CPED1: variants seen among roughly 807,000 people sequenced by gnomAD.
CPED1 encodes cadherin like and PC-esterase domain containing 1.
Under a neutral mutation model 128.2 loss-of-function variants are expected in CPED1, and 114 were observed. That is an observed-to-expected ratio of 0.89 (90% CI 0.76 to 1.04). The LOEUF is 1.04. Ranked by LOEUF, CPED1 falls within the 50% of genes least tolerant of loss-of-function variation. The pLI is 0.00. For missense variants in CPED1, 1,211 were observed against 1,207.1 expected, an observed-to-expected ratio of 1.00 and a Z score of -0.05; for synonymous variants, 462 against 426.7, an observed-to-expected ratio of 1.08 and a Z score of -1.02.
intron 16 of CPED1, among the ~76,000 whole-genome samples, chr7:121,168,146 G>A (rs10244109): frequency 0.1 from 15,856 of 152,144 alleles, 1,391 homozygotes; most frequent in African/African-American, 0.24. Context: ...CATTCTGAAC[G>A]CTATCATAGC....
chr7:121,236,618 A>G (rs1490693110), intron 16 of CPED1, 96 bp from the exon 17 acceptor site: 10 of 628,574 alleles, frequency 1.6e-5, no homozygotes, highest in Non-Finnish European at 2.7e-5. Flanking sequence ...TTTTATCCAT[A>G]AAGGTTATTT....
At chr7:121,228,081 A>G (rs964743749) in intron 16 of CPED1, among the ~76,000 whole-genome samples, 28 of 152,250 alleles carry the variant, frequency 1.8e-4, no homozygotes, top group African/African-American at 6.7e-4. Context: ...TCTCCTGGAC[A>G]TTGGTTTAGG....
intron 16 of CPED1, among the ~76,000 whole-genome samples, chr7:121,170,276 CT>C (rs1033449113): frequency 6.6e-6 from 1 of 152,084 alleles, no homozygotes; most frequent in Non-Finnish European, 1.5e-5. Context: ...AATTTGTGAC[CT>C]TTTTCCTGTG....
At chr7:121,085,931 A>G (rs1042186411) in intron 5 of CPED1, among the ~76,000 whole-genome samples, 13 of 152,222 alleles carry the variant, frequency 8.5e-5, no homozygotes, top group African/African-American at 2.9e-4. Context: ...GTTTGGATAC[A>G]GAGCTGAATT....
At chr7:121,161,146 T>C (rs999330957) in intron 16 of CPED1, among the ~76,000 whole-genome samples, 4 of 152,182 alleles carry the variant, frequency 2.6e-5, no homozygotes, top group African/African-American at 9.6e-5. Flanking sequence ...TAGGTCAGGT[T>C]TGGTAGCTTA....
rs1408616334 is a variant in CPED1 at position 121,129,305 on chromosome 7, ATATATACG to A, written c.1408-813_1408-806del. On this transcript the variant is annotated intron_variant, in intron 11 of 22. Coordinates refer to ENST00000310396, the MANE Select transcript of CPED1 (RefSeq NM_024913.5). Reference sequence around the variant, plus strand: ...TATATATGTATATATATATATATATATATATACGTATATATATATATATATATATACGT... The same window carrying A: ...TATATATGTATATATATATATATATATATATATATATATATATATATACGT... Among the ~76,000 whole-genome samples, 17 of 5,628 alleles carry A rather than the reference ATATATACG, an allele frequency of 3.0e-3. No homozygotes were observed. In the East Asian group the frequency reaches 0.29, roughly 95 times the overall value. 3.7% of individuals were successfully genotyped at this position (5,628 alleles called of 152,430 possible).
intron 5 of CPED1, among the ~76,000 whole-genome samples, chr7:121,068,163 G>A (rs1793893664): frequency 6.6e-6 from 1 of 152,242 alleles, no homozygotes; most frequent in Admixed American, 6.5e-5. Context: ...CATTGCTTTT[G>A]GTGTTTTAGA....
intron 12 of CPED1, among the ~76,000 whole-genome samples, chr7:121,133,572 G>A (rs999737718): frequency 2.0e-5 from 3 of 152,038 alleles, no homozygotes; most frequent in Non-Finnish European, 4.4e-5. Context: ...AGATTCCTCA[G>A]ATTTGGACTG....
At chr7:121,255,036 G>A (rs1220923637) in intron 18 of CPED1, among the ~76,000 whole-genome samples, 1 of 151,914 alleles carries the variant, frequency 6.6e-6, no homozygotes, top group Non-Finnish European at 1.5e-5. Flanking sequence ...CAAAGAGGAG[G>A]GATTCCTCCT....
At chr7:121,166,698 A>G (rs898847375) in intron 16 of CPED1, among the ~76,000 whole-genome samples, 1 of 152,130 alleles carries the variant, frequency 6.6e-6, no homozygotes. Flanking sequence ...TTTTGGAGTA[A>G]TGCTGTTTTT....
chr7:121,092,347 C>CT (rs1794593775), intron 5 of CPED1, among the ~76,000 whole-genome samples: 1 of 152,160 alleles, frequency 6.6e-6, no homozygotes, highest in Admixed American at 6.5e-5. Flanking sequence ...CTTGTTTACT[C>CT]TTTTCATTTC....
intron 4 of CPED1, among the ~76,000 whole-genome samples, chr7:121,060,347 G>A (rs1207152285): frequency 6.6e-6 from 1 of 152,260 alleles, no homozygotes; most frequent in East Asian, 1.9e-4. Context: ...CTGGCAGGCA[G>A]CTCCACCTGC....
chr7:121,171,050 A>G (rs1222836081), intron 16 of CPED1, among the ~76,000 whole-genome samples: 3 of 135,242 alleles, frequency 2.2e-5, no homozygotes, highest in Non-Finnish European at 4.8e-5. Flanking sequence ...ACTCTGTCTC[A>G]AATAAATACA....
At chr7:121,242,838 T>C (rs373018617) in intron 17 of CPED1, among the ~76,000 whole-genome samples, 13 of 152,252 alleles carry the variant, frequency 8.5e-5, no homozygotes, top group African/African-American at 2.9e-4. Flanking sequence ...TCTCTTCCAG[T>C]TTCTCTCTCT....
chr7:121,262,131 G>C (rs2222543), intron 18 of CPED1, among the ~76,000 whole-genome samples: 57,781 of 151,754 alleles, frequency 0.38, 11,435 homozygotes, highest in Middle Eastern at 0.48. Flanking sequence ...AGCCTGGCAT[G>C]TCTCCTGCTC....
chr7:121,276,212 TA>T (rs1169126286), intron 22 of CPED1, among the ~76,000 whole-genome samples: 2 of 152,104 alleles, frequency 1.3e-5, no homozygotes, highest in Non-Finnish European at 2.9e-5. Flanking sequence ...ATATTTCCTT[TA>T]AACTTTCCTC....
chr7:121,040,866 G>T (rs1038618035), intron 3 of CPED1, among the ~76,000 whole-genome samples: 4 of 151,988 alleles, frequency 2.6e-5, no homozygotes, highest in Non-Finnish European at 5.9e-5. Flanking sequence ...CTTGGCTTTT[G>T]TAGCTTTGTA....
intron 5 of CPED1, among the ~76,000 whole-genome samples, chr7:121,081,632 C>T (rs982341222): frequency 6.6e-6 from 1 of 152,114 alleles, no homozygotes; most frequent in African/African-American, 2.4e-5. Flanking sequence ...AAATGTGTTG[C>T]ATTTGAGAAG....
At chr7:120,989,336 A>G in intron 1 of CPED1, 55 bp from the exon 2 acceptor site, 1 of 384,248 alleles carries the variant, frequency 2.6e-6, no homozygotes, top group South Asian at 2.5e-5. Flanking sequence ...AGCCTGGGGT[A>G]CACTCAGGTT....
Sources: allele counts gnomAD v4.1 joint callset (sites outside exome capture counted in the v4.1 genomes callset), GRCh38; gene constraint gnomAD v4.1.1; transcripts MANE v1.5; gene names NCBI Gene and HGNC (gene_info 2026-07-23, HGNC 2026-07-21).